MAP2K4: variants seen among roughly 807,000 people sequenced by gnomAD.
MAP2K4 encodes dual specificity mitogen-activated protein kinase kinase 4.
Under a neutral mutation model 48.5 loss-of-function variants are expected in MAP2K4, and 4 were observed. That is an observed-to-expected ratio of 0.08 (90% CI 0.04 to 0.19). The LOEUF (loss-of-function observed/expected upper bound fraction) is 0.19. Ranked by LOEUF, MAP2K4 falls within the 10% of genes least tolerant of loss-of-function variation. The pLI is 1.00. For synonymous variants in MAP2K4, 166 were observed against 173.1 expected (o/e 0.96, Z 0.32); for missense variants, 258 against 493.3 (o/e 0.52, Z 4.52).
Position 12,141,285 on chromosome 17 carries a change from A to G in MAP2K4, c.*25A>G, listed in dbSNP as rs1177317456. 1.3e-6 allele frequency: 2 copies of G among 1,509,260 alleles called. No homozygotes were observed. The highest frequency in any genetic ancestry group is 3.3e-5 in the Admixed American group (2 of 59,722). 93.5% of individuals were successfully genotyped at this position (1,509,260 alleles called of 1,614,324 possible). On this transcript the variant is annotated 3_prime_UTR_variant, in exon 11 of 11. Coordinates refer to ENST00000353533, the MANE Select transcript of MAP2K4 (RefSeq NM_003010.4). ...ATATCGCTGCTACATCAGACTCTAG[A>G]AAAAAGGGCTGAGAGGAAGCAAGAC...
intron 9 of MAP2K4, among the ~76,000 whole-genome samples, chr17:12,139,632 C>A (rs1211679149): frequency 6.6e-6 from 1 of 152,152 alleles, no homozygotes; most frequent in African/African-American, 2.4e-5. Context: ...AATCATCCTA[C>A]ACTGACTATC....
intron 4 of MAP2K4, among the ~76,000 whole-genome samples, chr17:12,103,144 A>C (rs879513498): frequency 6.6e-6 from 1 of 150,574 alleles, no homozygotes; most frequent in Non-Finnish European, 1.5e-5. Context: ...GGCTCAAGGG[A>C]TCTTCCCACA....
At chr17:12,073,763 G>A (rs891816785) in intron 2 of MAP2K4, among the ~76,000 whole-genome samples, 6 of 144,928 alleles carry the variant, frequency 4.1e-5, no homozygotes, top group South Asian at 4.5e-4. Flanking sequence ...CTTCCTTCTC[G>A]TTGTAGATTT....
rs570546554 is a variant in MAP2K4 at position 12,096,067 on chromosome 17, TCCCCCCCCCCCCCCCCC to T, written c.513+378_513+394del. On this transcript the variant is annotated intron_variant, in intron 4 of 10. Transcript: ENST00000353533. ...TTTTCATTGGGCCTTGAGCAACGCC[TCCCCCCCCCCCCCCCCC>T]CCCCGCCGCCAACTTTATATTTTAA... is the stretch of plus-strand genomic sequence containing the variant. 2.1e-4 allele frequency among the ~76,000 whole-genome samples: 5 copies of T among 23,760 alleles called. 1 individual carries two copies. The highest frequency in any genetic ancestry group is 3.0e-4 in the African/African-American group (2 of 6,772). The allele number at this position is 23,760 out of a possible 152,430, so 15.6% of individuals were successfully genotyped here.
intron 1 of MAP2K4, among the ~76,000 whole-genome samples, chr17:12,053,150 CAAG>C (rs1309267963): frequency 6.6e-6 from 1 of 151,980 alleles, no homozygotes; most frequent in African/African-American, 2.4e-5. Context: ...GAAAAATTCT[CAAG>C]AAGTAAAAGA....
intron 1 of MAP2K4, among the ~76,000 whole-genome samples, chr17:12,024,186 A>AAAT (rs1969184732): frequency 6.6e-6 from 1 of 152,198 alleles, no homozygotes; most frequent in Non-Finnish European, 1.5e-5. Context: ...GGACTCTCAA[A>AAAT]TGAATTACAA....
At chr17:12,034,709 A>G (rs1352571811) in intron 1 of MAP2K4, among the ~76,000 whole-genome samples, 1 of 152,234 alleles carries the variant, frequency 6.6e-6, no homozygotes, top group Admixed American at 6.5e-5. Context: ...CCGATGTTAC[A>G]TACTAATTGA....
chr17:12,020,963 C>A lies in MAP2K4; in HGVS notation c.77C>A (p.Ser26Tyr), dbSNP rs1049103069. ...AGCGGCACCCCCGGCCCCGTAGGGT[C>A]CCCGGCGCCAGGCCACCCGGCCGTC... The part of the protein sequence containing the change: ...SGSGTPGPVG[S>Y]PAPGHPAVSS... The change falls in exon 1 of 11, where the codon TCC becomes TAC. Residue 26 changes from serine to tyrosine, a missense_variant. Ser to Tyr is a moderately radical substitution (Grantham distance 144). This residue lies in a region of MAP2K4 where 69 missense variants were observed against 56.2 expected (regional missense o/e 1.23). Transcript: ENST00000353533. 5 of 1,212,624 alleles carry A rather than the reference C, an allele frequency of 4.1e-6. No individual in the cohort carries two copies. In the African/African-American group the frequency reaches 7.9e-5, roughly 19 times the overall value. The allele number at this position is 1,212,624 out of a possible 1,614,324, so 75.1% of individuals were successfully genotyped here.
chr17:12,053,072 T>C (rs1336990106), intron 1 of MAP2K4, among the ~76,000 whole-genome samples: 1 of 152,186 alleles, frequency 6.6e-6, no homozygotes, highest in Non-Finnish European at 1.5e-5. Context: ...CTCTGAGTAT[T>C]ATCCAGGGCA....
In MAP2K4 at chr17:12,080,810, C is replaced by T. The variant is rs746892298; in HGVS notation, c.219-546C>T. On this transcript the variant is annotated intron_variant, in intron 2 of 10. Transcript: ENST00000353533. Reference sequence around the variant, plus strand: ...TTCTGACTCCTGTCCCTGGATAATTCAGATGTAATTGCTATGGGACGATAC... The same window carrying T: ...TTCTGACTCCTGTCCCTGGATAATTTAGATGTAATTGCTATGGGACGATAC... 6.6e-5 allele frequency among the ~76,000 whole-genome samples: 10 copies of T among 152,158 alleles called. 1 individual carries two copies. Among genetic ancestry groups the T allele is most frequent in the Non-Finnish European group, 1.0e-4 (7 of 68,038 alleles).
chr17:12,056,834 G>T (rs1970296000), intron 2 of MAP2K4, among the ~76,000 whole-genome samples: 1 of 152,118 alleles, frequency 6.6e-6, no homozygotes, highest in South Asian at 2.1e-4. Context: ...TGTTTAGGAT[G>T]AGTACTTGCA....
chr17:12,141,026 C>T (rs759825755), intron 10 of MAP2K4, 121 bp from the exon 11 acceptor site: 25 of 659,962 alleles, frequency 3.8e-5, no homozygotes, highest in East Asian at 5.4e-5. Context: ...TGTAGTGTTG[C>T]GGTATTTCAT....
intron 1 of MAP2K4, among the ~76,000 whole-genome samples, chr17:12,034,889 C>T (rs1357126509): frequency 6.6e-6 from 1 of 152,110 alleles, no homozygotes; most frequent in Non-Finnish European, 1.5e-5. Flanking sequence ...ATGGGCCTAC[C>T]CTGCTTTGGA....
intron 1 of MAP2K4, among the ~76,000 whole-genome samples, chr17:12,033,285 G>T (rs1969495446): frequency 6.6e-6 from 1 of 152,096 alleles, no homozygotes; most frequent in Non-Finnish European, 1.5e-5. Flanking sequence ...TCATGAACTG[G>T]AGAAGAATGA....
chr17:12,103,579 A>G (rs1241315095), intron 4 of MAP2K4, among the ~76,000 whole-genome samples: 5 of 152,056 alleles, frequency 3.3e-5, no homozygotes. Flanking sequence ...TACTCTTTAT[A>G]TGTCTTCAAA....
intron 9 of MAP2K4, among the ~76,000 whole-genome samples, chr17:12,139,221 T>C (rs1973301967): frequency 6.6e-6 from 1 of 152,162 alleles, no homozygotes; most frequent in Non-Finnish European, 1.5e-5. Flanking sequence ...ATGAAAATAC[T>C]TTTGGCAGCT....
intron 2 of MAP2K4, among the ~76,000 whole-genome samples, chr17:12,061,212 A>G (rs1210244880): frequency 2.0e-5 from 3 of 152,214 alleles, no homozygotes; most frequent in Non-Finnish European, 4.4e-5. Flanking sequence ...CATTTTGTTT[A>G]GCCATTCATC....
At chr17:12,082,372 G>A (rs903589912) in intron 3 of MAP2K4, among the ~76,000 whole-genome samples, 1 of 152,180 alleles carries the variant, frequency 6.6e-6, no homozygotes, top group African/African-American at 2.4e-5. Context: ...AAAAAAGCTA[G>A]CTGTGGCCAT....
intron 2 of MAP2K4, among the ~76,000 whole-genome samples, chr17:12,065,303 G>GTTT (rs35418495): frequency 8.3e-6 from 1 of 120,958 alleles, no homozygotes; most frequent in African/African-American, 3.1e-5. Context: ...GGTGTTTGTT[G>GTTT]TTTTTTTTTT....
Sources: gnomAD v4.1 joint callset for allele counts (sites outside exome capture counted in the v4.1 genomes callset) on GRCh38, gnomAD v4.1.1 for gene constraint, gnomAD v4.1.1 regional missense constraint, MANE v1.5 for transcripts, NCBI Gene and HGNC (gene_info 2026-07-23, HGNC 2026-07-21) for gene names.